HOMER1: variants seen among roughly 807,000 people sequenced by gnomAD.
The protein encoded by HOMER1 is homer protein homolog 1.
In HOMER1, 3 loss-of-function variants were observed where a neutral mutation model predicts 48.9. The observed-to-expected ratio is 0.06, with a 90% confidence interval of 0.03 to 0.16. HOMER1 has a LOEUF of 0.16. Among genes scored for constraint, HOMER1 ranks in the 10% least tolerant of loss-of-function variants. The probability of loss-of-function intolerance (pLI) is 1.00; values close to 1 mark genes in which losing one functional copy is unlikely to be tolerated. For missense variants in HOMER1, 247 were observed against 411.4 expected (o/e 0.60, Z 3.46); for synonymous variants, 134 against 146.4 (o/e 0.92, Z 0.61).
At chr5:79,424,822 T>G (rs1187453995) in intron 5 of HOMER1, among the ~76,000 whole-genome samples, 1 of 152,116 alleles carries the variant, frequency 6.6e-6, no homozygotes, top group Non-Finnish European at 1.5e-5. Flanking sequence ...ATTTTGATTT[T>G]CAACCAACAG....
chr5:79,462,639 A>T (rs1360972011), intron 1 of HOMER1, among the ~76,000 whole-genome samples: 1 of 152,240 alleles, frequency 6.6e-6, no homozygotes, highest in Non-Finnish European at 1.5e-5. Flanking sequence ...TCATAAAAAA[A>T]CTAGAGCAAA....
At chr5:79,438,845 T>C (rs1189011477) in intron 5 of HOMER1, among the ~76,000 whole-genome samples, 165 bp downstream of exon 5, 1 of 150,628 alleles carries the variant, frequency 6.6e-6, no homozygotes, top group African/African-American at 2.5e-5. Flanking sequence ...AAAAAGTTTG[T>C]GTATTTCATT....
At chr5:79,502,145 A>G (rs920378212) in intron 1 of HOMER1, among the ~76,000 whole-genome samples, 1 of 149,438 alleles carries the variant, frequency 6.7e-6, no homozygotes, top group Non-Finnish European at 1.5e-5. Flanking sequence ...TCAGCCTCCC[A>G]AGTAGCTGGG....
intron 1 of HOMER1, among the ~76,000 whole-genome samples, chr5:79,469,269 A>T (rs1271125627): frequency 2.0e-5 from 3 of 152,248 alleles, no homozygotes; most frequent in Non-Finnish European, 4.4e-5. Flanking sequence ...GCGTCAAAAA[A>T]CAATTTACAC....
chr5:79,500,235 T>G (rs1752538878), intron 1 of HOMER1, among the ~76,000 whole-genome samples: 2 of 152,274 alleles, frequency 1.3e-5, no homozygotes, highest in Admixed American at 1.3e-4. Context: ...GAAGGATTAC[T>G]ATTAAAAAAA....
intron 6 of HOMER1, among the ~76,000 whole-genome samples, chr5:79,399,420 C>T (rs1470815575): frequency 2.0e-5 from 3 of 152,186 alleles, no homozygotes; most frequent in Admixed American, 1.3e-4. Flanking sequence ...TGCGATGGTG[C>T]TCAACAGAGA....
At chr5:79,431,055 G>A (rs1750410791) in intron 5 of HOMER1, among the ~76,000 whole-genome samples, 1 of 152,156 alleles carries the variant, frequency 6.6e-6, no homozygotes. Flanking sequence ...TGCTGGCCTG[G>A]CGCAGTGGCT....
chr5:79,501,778 C>A (rs968222286), intron 1 of HOMER1, among the ~76,000 whole-genome samples: 1 of 152,142 alleles, frequency 6.6e-6, no homozygotes, highest in African/African-American at 2.4e-5. Context: ...AGCTATATTA[C>A]CTCCCATAGT....
chr5:79,483,090 C>T (rs1751992418), intron 1 of HOMER1, among the ~76,000 whole-genome samples: 2 of 149,054 alleles, frequency 1.3e-5, no homozygotes, highest in South Asian at 4.2e-4. Context: ...TTCAACAAAC[C>T]ACAAGCGCAA....
chr5:79,457,117 C>T lies in HOMER1; in HGVS notation c.6-99G>A, dbSNP rs1340263378. On this transcript the variant is annotated intron_variant, in intron 1 of 8. Coordinates refer to ENST00000334082, the MANE Select transcript of HOMER1 (RefSeq NM_004272.5). ...TGCAAGGATGATTCTGCTTAATCAA[C>T]AATTTCCACATACCTGAAAGTAAGA... 7.5e-6 allele frequency: 8 copies of T among 1,073,598 alleles called. No individual in the cohort carries two copies. The Admixed American group carries it at 1.6e-4, about 21-fold the overall frequency. 66.5% of individuals were successfully genotyped at this position (1,073,598 alleles called of 1,614,324 possible).
chr5:79,508,619 T>C (rs1580050064), intron 1 of HOMER1, among the ~76,000 whole-genome samples: 1 of 152,330 alleles, frequency 6.6e-6, no homozygotes, highest in African/African-American at 2.4e-5. Flanking sequence ...ATCACTGTTC[T>C]CTCTGCCTTG....
At position 79,513,394 on chromosome 5, in the gene HOMER1, T is replaced by C. The variant is rs1408211975; in HGVS notation, c.-620A>G. On this transcript the variant is annotated 5_prime_UTR_variant, in exon 1 of 9. Transcript: ENST00000334082. ...GCACTCCACATTGGAATCTGTCTTT[T>C]TAAATGTTTCTCCTCCTAAGACTCG... The C allele has an allele frequency of 6.5e-6, 1 of 152,906 alleles. No individual in the cohort carries two copies. Among genetic ancestry groups the C allele is most frequent in the African/African-American group, 2.4e-5 (1 of 41,454 alleles). 9.5% of individuals were successfully genotyped at this position (152,906 alleles called of 1,614,324 possible).
intron 1 of HOMER1, among the ~76,000 whole-genome samples, chr5:79,457,726 G>A (rs144656720): frequency 3.5e-4 from 54 of 152,276 alleles, no homozygotes; most frequent in Non-Finnish European, 5.4e-4. Flanking sequence ...TGAAAATGTC[G>A]TGAGCAGAGG....
chr5:79,443,123 T>C lies in HOMER1; in HGVS notation c.387+3930A>G, dbSNP rs996437608. 6.6e-5 allele frequency among the ~76,000 whole-genome samples: 10 copies of C among 152,222 alleles called. No homozygotes were observed. The East Asian group carries it at 1.2e-3, about 18-fold the overall frequency. ...GAGTCAGCTGTATGTGTCCCAAACC[T>C]GTTTATGCCAATTCTATTTATATAA... On this transcript the variant is annotated intron_variant, in intron 4 of 8. Transcript: ENST00000334082.
Position 79,453,277 on chromosome 5 carries a change from G to A in HOMER1, c.163-2156C>T, listed in dbSNP as rs547164517. On this transcript the variant is annotated intron_variant, in intron 2 of 8. Transcript: ENST00000334082. Reference sequence around the variant, plus strand: ...TGGGATCTCTGTGTTTTCTGACAAGGGCATTTTATACGTGACCCTAATAAC... The same window carrying A: ...TGGGATCTCTGTGTTTTCTGACAAGAGCATTTTATACGTGACCCTAATAAC... Among the ~76,000 whole-genome samples the A allele has an allele frequency of 2.0e-5, 3 of 152,232 alleles. No individual in the cohort carries two copies. In the South Asian group the frequency reaches 6.2e-4, roughly 32 times the overall value.
At chr5:79,434,446 C>T (rs1379474206) in intron 5 of HOMER1, among the ~76,000 whole-genome samples, 2 of 151,960 alleles carry the variant, frequency 1.3e-5, no homozygotes, top group Non-Finnish European at 2.9e-5. Flanking sequence ...TACGTATATG[C>T]CAGCCTATTA....
chr5:79,396,299 AATAAT>A (rs1749382246), intron 8 of HOMER1, among the ~76,000 whole-genome samples: 1 of 151,562 alleles, frequency 6.6e-6, no homozygotes, highest in South Asian at 2.1e-4. Context: ...ATTGTAAAAT[AATAAT>A]AATAATAATA....
At chr5:79,434,820 G>A (rs1750529375) in intron 5 of HOMER1, among the ~76,000 whole-genome samples, 1 of 152,160 alleles carries the variant, frequency 6.6e-6, no homozygotes, top group Non-Finnish European at 1.5e-5. Context: ...TAGTTCAGCT[G>A]TATAGCTAAA....
At chr5:79,392,974 AG>A (rs1749292557) in intron 8 of HOMER1, among the ~76,000 whole-genome samples, 1 of 151,898 alleles carries the variant, frequency 6.6e-6, no homozygotes, top group Non-Finnish European at 1.5e-5. Flanking sequence ...AGAGAGAGAG[AG>A]AGAGAGAGAG....
Sources: gnomAD v4.1 joint callset for allele counts (sites outside exome capture counted in the v4.1 genomes callset) on GRCh38, gnomAD v4.1.1 for gene constraint, MANE v1.5 for transcripts, NCBI Gene and HGNC (gene_info 2026-07-23, HGNC 2026-07-21) for gene names.